Variants in RORA observed in about 807,000 individuals in gnomAD.
The protein encoded by RORA is RAR related orphan receptor A.
Under a neutral mutation model 69.5 loss-of-function variants are expected in RORA, and 7 were observed. That is an observed-to-expected ratio of 0.10 (90% CI 0.06 to 0.19). RORA has a LOEUF of 0.19. RORA is among the 10% of genes least tolerant of loss of function. RORA has a pLI of 1.00. For synonymous variants in RORA, 261 were observed against 240.8 expected (o/e 1.08, Z -0.78); for missense variants, 457 against 663.0 (o/e 0.69, Z 3.41).
At chr15:60,737,631 G>A (rs1427949724) in intron 1 of RORA, among the ~76,000 whole-genome samples, 2 of 152,208 alleles carry the variant, frequency 1.3e-5, no homozygotes, top group Non-Finnish European at 2.9e-5. Flanking sequence ...GGCTATAAGC[G>A]TCATGTGTAT....
intron 6 of RORA, among the ~76,000 whole-genome samples, chr15:60,504,732 C>A (rs2065443510): frequency 6.6e-6 from 1 of 152,198 alleles, no homozygotes; most frequent in African/African-American, 2.4e-5. Flanking sequence ...TTGCTATTCC[C>A]CAACATGTCC....
At chr15:60,831,893 T>C (rs2073047336) in intron 1 of RORA, among the ~76,000 whole-genome samples, 1 of 152,180 alleles carries the variant, frequency 6.6e-6, no homozygotes, top group Admixed American at 6.5e-5. Context: ...CTCTCAGATA[T>C]GCCTCCTAAA....
At chr15:60,732,704 C>A (rs188480660) in intron 1 of RORA, among the ~76,000 whole-genome samples, 4 of 151,946 alleles carry the variant, frequency 2.6e-5, no homozygotes, top group Non-Finnish European at 4.4e-5. Flanking sequence ...GTACACACAC[C>A]CCCCTTTACA....
chr15:60,709,507 C>T (rs1479815934), intron 1 of RORA, among the ~76,000 whole-genome samples: 1 of 152,036 alleles, frequency 6.6e-6, no homozygotes, highest in Non-Finnish European at 1.5e-5. Flanking sequence ...AGGAGGTGAG[C>T]CGAGGGTGAA....
rs34041868 is a variant in RORA, at chr15:61,214,863, C to CTT, written c.166+14188_166+14189dup. Among the ~76,000 whole-genome samples, 642 of 107,034 alleles carry CTT rather than the reference C, an allele frequency of 6.0e-3. 28 individuals carry two copies. Among genetic ancestry groups the CTT allele is most frequent in the African/African-American group, 0.013 (352 of 26,492 alleles). 70.2% of individuals were successfully genotyped at this position (107,034 alleles called of 152,430 possible). ...CATCAAAGTTTAACACCTTCTTGGA[C>CTT]TTTTTTTTTTTTTTTTTTTTGAGAC... On this transcript the variant is annotated intron_variant, in intron 1 of 10. Transcript: ENST00000335670.
rs2066718295 is a variant in RORA at position 60,537,559 on chromosome 15, C to T, written c.197-5708G>A. The stretch of plus-strand genomic sequence containing the variant: ...TTTGCAGAGAGCTCTCATTACATCT[C>T]CATGTGGAAGGGGAACAGACCATCG... On this transcript the variant is annotated intron_variant, in intron 2 of 10. Transcript: ENST00000335670. This position sits in a 1 kb window ranked among gnomAD's most constrained non-coding sequence, Gnocchi z 4.9. Among the ~76,000 whole-genome samples, 2 of 152,162 alleles carry T rather than the reference C, an allele frequency of 1.3e-5. No individual in the cohort carries two copies. Among genetic ancestry groups the T allele is most frequent in the Non-Finnish European group, 1.5e-5 (1 of 68,036 alleles).
intron 2 of RORA, among the ~76,000 whole-genome samples, chr15:60,614,055 G>T (rs1468602124): frequency 3.9e-5 from 6 of 151,922 alleles, no homozygotes; most frequent in Non-Finnish European, 8.8e-5. Flanking sequence ...TTTTTGGTAG[G>T]TTAGTAAAAA....
intron 1 of RORA, among the ~76,000 whole-genome samples, chr15:60,985,731 C>T (rs1018341337): frequency 2.0e-5 from 3 of 151,676 alleles, no homozygotes; most frequent in Admixed American, 6.6e-5. Flanking sequence ...ACTACAGGTG[C>T]GCGCCACCAT....
At chr15:60,928,510 C>G (rs977599214) in intron 1 of RORA, among the ~76,000 whole-genome samples, 2 of 152,170 alleles carry the variant, frequency 1.3e-5, no homozygotes, top group African/African-American at 4.8e-5. Context: ...GTAAACACTA[C>G]TTGCCAAATG....
Position 60,511,864 on chromosome 15 carries a change from G to A in RORA, c.425-243C>T, listed in dbSNP as rs2065709965. Reference sequence around the variant, plus strand: ...TCAGAAAGAGGCCTGGTGCAGGTAGGAGGGGCCCAGAGAGATGCCACTTCT... The same window carrying A: ...TCAGAAAGAGGCCTGGTGCAGGTAGAAGGGGCCCAGAGAGATGCCACTTCT... On this transcript the variant is annotated intron_variant, in intron 4 of 10. Coordinates refer to ENST00000335670, the MANE Select transcript of RORA (RefSeq NM_134261.3). This position sits in a 1 kb window ranked among gnomAD's most constrained non-coding sequence, Gnocchi z 6.4. 6.6e-6 allele frequency among the ~76,000 whole-genome samples: 1 copy of A among 152,090 alleles called. No homozygotes were observed. The highest frequency in any genetic ancestry group is 6.5e-5 in the Admixed American group (1 of 15,274).
At chr15:60,647,659 C>T (rs573004155) in intron 2 of RORA, among the ~76,000 whole-genome samples, 1 of 152,262 alleles carries the variant, frequency 6.6e-6, no homozygotes, top group East Asian at 1.9e-4. Context: ...GCTGTCTCTG[C>T]ACTAGGACTA....
chr15:61,154,407 T>C (rs1242707645), intron 1 of RORA, among the ~76,000 whole-genome samples: 1 of 152,076 alleles, frequency 6.6e-6, no homozygotes, highest in Non-Finnish European at 1.5e-5. Context: ...TGCCCTGGCT[T>C]TCAAGGTGAA....
intron 1 of RORA, among the ~76,000 whole-genome samples, chr15:60,760,014 A>G (rs554458297): frequency 1.1e-4 from 16 of 152,146 alleles, no homozygotes; most frequent in Admixed American, 2.0e-4. Flanking sequence ...ACCTTGAAGT[A>G]TATGTGGGCT....
At chr15:61,140,995 A>G (rs1316999427) in intron 1 of RORA, among the ~76,000 whole-genome samples, 1 of 152,188 alleles carries the variant, frequency 6.6e-6, no homozygotes, top group African/African-American at 2.4e-5. Context: ...ACCTCCTTTC[A>G]GAACCCTAAA....
At chr15:60,594,867 C>T (rs2068632219) in intron 2 of RORA, among the ~76,000 whole-genome samples, 1 of 152,214 alleles carries the variant, frequency 6.6e-6, no homozygotes, top group Admixed American at 6.5e-5. Flanking sequence ...TCACTTCCTA[C>T]AACTAATGAG....
intron 2 of RORA, among the ~76,000 whole-genome samples, chr15:60,568,944 TAA>T (rs34688193): frequency 0.19 from 25,535 of 137,464 alleles, 4,331 homozygotes; most frequent in African/African-American, 0.46. Context: ...GGTTTTGCGC[TAA>T]AAAAAAAAAA....
At chr15:60,573,981 A>G (rs1051974557) in intron 2 of RORA, among the ~76,000 whole-genome samples, 2 of 152,062 alleles carry the variant, frequency 1.3e-5, no homozygotes, top group African/African-American at 4.8e-5. Flanking sequence ...ATCCATTTCT[A>G]TGTGTATTTT....
chr15:60,948,808 C>G (rs535491824), intron 1 of RORA, among the ~76,000 whole-genome samples: 5 of 152,264 alleles, frequency 3.3e-5, no homozygotes, highest in African/African-American at 1.2e-4. Flanking sequence ...CAGACACAAA[C>G]CCATTAAAGA....
At chr15:61,098,726 A>C (rs1452843079) in intron 1 of RORA, among the ~76,000 whole-genome samples, 1 of 152,210 alleles carries the variant, frequency 6.6e-6, no homozygotes, top group Non-Finnish European at 1.5e-5. Flanking sequence ...CTCACCCTAC[A>C]AACAGGAAAT....
Sources: gnomAD v4.1 joint callset for allele counts (sites outside exome capture counted in the v4.1 genomes callset) on GRCh38, gnomAD v4.1.1 for gene constraint, Gnocchi (gnomAD v3.1) non-coding constraint, MANE v1.5 for transcripts, NCBI Gene and HGNC (gene_info 2026-07-23, HGNC 2026-07-21) for gene names.